CASK: variants seen among roughly 807,000 people sequenced by gnomAD.
The protein encoded by CASK is calcium/calmodulin dependent serine protein kinase, also known as peripheral plasma membrane protein CASK.
CASK carries 4 observed loss-of-function variants against 82.9 expected under a neutral mutation model. That is an observed-to-expected ratio of 0.05 (90% CI 0.02 to 0.11). The LOEUF (loss-of-function observed/expected upper bound fraction) is 0.11. Ranked by LOEUF, CASK falls within the 10% of genes least tolerant of loss-of-function variation. The pLI is 1.00. For synonymous variants in CASK, 259 were observed against 253.5 expected (o/e 1.02, Z -0.20); for missense variants, 358 against 720.9 (o/e 0.50, Z 5.76).
At chrX:41,802,566 T>C (rs761257147) in intron 2 of CASK, among the ~76,000 whole-genome samples, 9 of 112,259 alleles carry the variant, frequency 8.0e-5, no homozygotes, top group African/African-American at 2.9e-4. Flanking sequence ...AAGCAATCAG[T>C]ATAACGACTT....
At chrX:41,727,595 G>C in intron 5 of CASK, 2 of 1,205,126 alleles carry the variant, frequency 1.7e-6, no homozygotes, top group Non-Finnish European at 2.2e-6. Flanking sequence ...TGCTACAATC[G>C]GCAGATGGAA....
chrX:41,889,180 T>C (rs1181308069), intron 1 of CASK, among the ~76,000 whole-genome samples: 1 of 108,864 alleles, frequency 9.2e-6, no homozygotes, highest in Non-Finnish European at 1.9e-5. Context: ...AAAAGGCACG[T>C]TATCTGAGGG....
intron 2 of CASK, among the ~76,000 whole-genome samples, chrX:41,816,656 A>T (rs2070419108): frequency 1.8e-5 from 2 of 110,976 alleles, no homozygotes; most frequent in Admixed American, 1.9e-4. Context: ...TGAACTAATA[A>T]TGTTAAGGAT....
At chrX:41,840,916 T>C (rs1029952471) in intron 2 of CASK, among the ~76,000 whole-genome samples, 1 of 112,585 alleles carries the variant, frequency 8.9e-6, no homozygotes, top group African/African-American at 3.2e-5. Flanking sequence ...CTATTGTATG[T>C]AATATTCGTT....
chrX:41,781,625 T>G lies in CASK; in HGVS notation c.278+5553A>C, dbSNP rs766252000. Among the ~76,000 whole-genome samples the G allele has an allele frequency of 3.6e-5, 4 of 112,041 alleles. No individual in the cohort carries two copies. The East Asian group carries it at 1.1e-3, about 31-fold the overall frequency. ...GTAATTACATCTGTTGCCAGAAACA[T>G]GAGGGCAATTCTGGAGTAGCTTAGT... On this transcript the variant is annotated intron_variant, in intron 3 of 26. Coordinates refer to ENST00000378163, the MANE Select transcript of CASK (RefSeq NM_001367721.1).
intron 15 of CASK, among the ~76,000 whole-genome samples, chrX:41,576,771 T>C (rs1269441465): frequency 8.9e-6 from 1 of 111,848 alleles, no homozygotes; most frequent in Non-Finnish European, 1.9e-5. Context: ...TCCACTGACA[T>C]GAAGTGATTT....
At chrX:41,845,090 G>A (rs918722029) in intron 2 of CASK, among the ~76,000 whole-genome samples, 2 of 111,596 alleles carry the variant, frequency 1.8e-5, no homozygotes, top group African/African-American at 6.5e-5. Flanking sequence ...CATATTTGAT[G>A]GGCTAATGCA....
At chrX:41,540,061 G>A (rs1193951550) in intron 22 of CASK, among the ~76,000 whole-genome samples, 5 of 111,967 alleles carry the variant, frequency 4.5e-5, no homozygotes, top group African/African-American at 1.6e-4. Flanking sequence ...CATCTAAGAA[G>A]CTCAGACTTT....
At chrX:41,858,435 C>G (rs898333211) in intron 1 of CASK, among the ~76,000 whole-genome samples, 1 of 112,276 alleles carries the variant, frequency 8.9e-6, no homozygotes, top group Non-Finnish European at 1.9e-5. Flanking sequence ...CCTGCTTTGA[C>G]CTATTCCTGA....
chrX:41,727,158 AG>A, intron 5 of CASK: 1 of 1,206,275 alleles, frequency 8.3e-7, no homozygotes, highest in Non-Finnish European at 1.1e-6. Context: ...TAACAAAAAT[AG>A]GTAAAAAAAC....
chrX:41,578,699 CCTTT>C (rs776849902), intron 14 of CASK, among the ~76,000 whole-genome samples, 171 bp from the exon 15 acceptor site: 22 of 111,351 alleles, frequency 2.0e-4, no homozygotes, highest in Admixed American at 8.6e-4. Context: ...AGCGATCCTT[CCTTT>C]GCAGCCTTCT....
chrX:41,744,783 C>T (rs757739335), intron 4 of CASK, among the ~76,000 whole-genome samples: 1 of 111,810 alleles, frequency 8.9e-6, no homozygotes, highest in South Asian at 3.7e-4. Flanking sequence ...ATTTCTCTTC[C>T]TTTTACTGTT....
At chrX:41,678,875 C>T (rs1255500464) in intron 5 of CASK, among the ~76,000 whole-genome samples, 1 of 109,276 alleles carries the variant, frequency 9.2e-6, no homozygotes, top group African/African-American at 3.3e-5. Flanking sequence ...CACCTTAGCA[C>T]ACATATCATT....
intron 21 of CASK, among the ~76,000 whole-genome samples, chrX:41,551,184 A>T (rs2065092448): frequency 8.9e-6 from 1 of 112,019 alleles, no homozygotes; most frequent in Non-Finnish European, 1.9e-5. Flanking sequence ...TTAGTAAAGA[A>T]AGGGGAAACT....
intron 5 of CASK, among the ~76,000 whole-genome samples, chrX:41,701,933 A>G (rs768080107): frequency 2.8e-4 from 31 of 112,269 alleles, no homozygotes; most frequent in African/African-American, 9.1e-4. Flanking sequence ...TTCTACTGAC[A>G]TTGTCTCTGC....
At chrX:41,521,295 C>A (rs780731264) in intron 26 of CASK, among the ~76,000 whole-genome samples, 2 of 111,959 alleles carry the variant, frequency 1.8e-5, no homozygotes, top group South Asian at 7.4e-4. Flanking sequence ...ATAAACAGCA[C>A]CTGGCATCTG....
intron 5 of CASK, chrX:41,727,213 CT>C (rs775090649): frequency 2.5e-6 from 3 of 1,200,701 alleles, no homozygotes; most frequent in Non-Finnish European, 3.4e-6. Flanking sequence ...TGCAAACTTA[CT>C]TGTGTGCAGT....
intron 1 of CASK, among the ~76,000 whole-genome samples, chrX:41,877,834 T>C (rs2071856969): frequency 9.0e-6 from 1 of 111,371 alleles, no homozygotes; most frequent in African/African-American, 3.3e-5. Context: ...CTACGTAGGG[T>C]AATATAGCAC....
intron 3 of CASK, among the ~76,000 whole-genome samples, chrX:41,770,176 G>C (rs1323589643): frequency 1.8e-5 from 2 of 108,921 alleles, no homozygotes; most frequent in African/African-American, 6.7e-5. Context: ...AGCTTACTAT[G>C]CCCTAGAACA....
Sources: allele counts gnomAD v4.1 joint callset (sites outside exome capture counted in the v4.1 genomes callset), GRCh38; gene constraint gnomAD v4.1.1; transcripts MANE v1.5; gene names NCBI Gene and HGNC (gene_info 2026-07-23, HGNC 2026-07-21).